HEATR5B: variants seen among roughly 807,000 people sequenced by gnomAD.
The protein encoded by HEATR5B is HEAT repeat-containing protein 5B.
A neutral mutation model predicts 224.1 loss-of-function variants in HEATR5B; 156 were observed. That is an observed-to-expected ratio of 0.70 (90% CI 0.61 to 0.80). HEATR5B has a LOEUF of 0.80. Ranked by LOEUF, HEATR5B falls within the 30% of genes least tolerant of loss-of-function variation. The pLI is 0.00. For synonymous variants in HEATR5B, 1,027 were observed against 893.0 expected (o/e 1.15, Z -2.68); for missense variants, 2,323 against 2,535.5 (o/e 0.92, Z 1.80).
At chr2:37,013,599 G>T (rs543038624) in intron 27 of HEATR5B, among the ~76,000 whole-genome samples, 16 of 152,124 alleles carry the variant, frequency 1.1e-4, no homozygotes, top group Admixed American at 3.9e-4. Flanking sequence ...AAAGATTTTT[G>T]GCATAAAATA....
In HEATR5B at chr2:36,981,353, T is replaced by C. The variant is rs551198224; in HGVS notation, c.*137A>G. The C allele has an allele frequency of 2.5e-4, 135 of 548,094 alleles. 1 individual carries two copies. Among genetic ancestry groups the C allele is most frequent in the Middle Eastern group, 2.0e-3 (4 of 2,024 alleles). 34.0% of individuals were successfully genotyped at this position (548,094 alleles called of 1,614,324 possible). A position where few individuals can be genotyped will look rare whatever the true frequency, so the allele number is the denominator to read the frequency against. On this transcript the variant is annotated 3_prime_UTR_variant, in exon 36 of 36. Transcript: ENST00000233099. Reference sequence around the variant, plus strand: ...ATCAATAAGTGGTGTGAGCATTATTTCACTTAACCTACTTGGAAGCACTAT... The same window carrying C: ...ATCAATAAGTGGTGTGAGCATTATTCCACTTAACCTACTTGGAAGCACTAT...
intron 5 of HEATR5B, among the ~76,000 whole-genome samples, chr2:37,073,245 T>C (rs1672017284): frequency 6.6e-6 from 1 of 152,204 alleles, no homozygotes; most frequent in South Asian, 2.1e-4. Flanking sequence ...AAGGATGATA[T>C]ATCATGACCA....
chr2:37,064,065 C>T (rs1671443365), intron 10 of HEATR5B, among the ~76,000 whole-genome samples: 1 of 152,118 alleles, frequency 6.6e-6, no homozygotes, highest in South Asian at 2.1e-4. Context: ...CCACCTGCCT[C>T]GGCCTCTCAA....
At position 36,984,215 on chromosome 2, in the gene HEATR5B, A is replaced by AATATAT. The variant is rs60636196; in HGVS notation, c.5912-2427_5912-2422dup. 1.1e-3 allele frequency among the ~76,000 whole-genome samples: 84 copies of AATATAT among 77,600 alleles called. 4 individuals are homozygous for AATATAT. Among genetic ancestry groups the AATATAT allele is most frequent in the African/African-American group, 2.6e-3 (44 of 17,042 alleles). The allele number at this position is 77,600 out of a possible 152,430, so 50.9% of individuals were successfully genotyped here. A position where few individuals can be genotyped will look rare whatever the true frequency, so the allele number is the denominator to read the frequency against. ...AACTCTGTCTCAAAAAAAAAAAAAA[A>AATATAT]ATATATATATATATATATATATAAA... is the stretch of plus-strand genomic sequence containing the variant. On this transcript the variant is annotated intron_variant, in intron 35 of 35. Coordinates refer to ENST00000233099, the MANE Select transcript of HEATR5B (RefSeq NM_019024.3).
At chr2:36,998,569 T>C (rs1666879724) in intron 33 of HEATR5B, among the ~76,000 whole-genome samples, 1 of 152,192 alleles carries the variant, frequency 6.6e-6, no homozygotes, top group Non-Finnish European at 1.5e-5. Flanking sequence ...CACACGTGCA[T>C]GAGAAATTTG....
chr2:37,046,418 C>T (rs558515140), intron 18 of HEATR5B, among the ~76,000 whole-genome samples: 5 of 152,198 alleles, frequency 3.3e-5, no homozygotes, highest in Admixed American at 2.6e-4. Context: ...GTGGGTGGAT[C>T]ATTTGAAGTC....
At chr2:37,075,398 T>C (rs972411626) in intron 5 of HEATR5B, 87 bp downstream of exon 5, 70 of 909,354 alleles carry the variant, frequency 7.7e-5, no homozygotes, top group Admixed American at 2.4e-4. Context: ...CAAAACATAA[T>C]TTAAAATTTT....
intron 30 of HEATR5B, 111 bp downstream of exon 30, chr2:37,005,521 T>C: frequency 5.3e-6 from 5 of 938,798 alleles, no homozygotes; most frequent in Non-Finnish European, 8.3e-6. Context: ...AGTGTATTCA[T>C]ATCATGTTAA....
chr2:36,988,009 T>G (rs1188248140), intron 35 of HEATR5B, among the ~76,000 whole-genome samples: 1 of 151,650 alleles, frequency 6.6e-6, no homozygotes, highest in Non-Finnish European at 1.5e-5. Context: ...GAGGCAGAGG[T>G]TGCAGTGAGC....
chr2:36,998,842 T>C (rs1666896410), intron 33 of HEATR5B, among the ~76,000 whole-genome samples: 1 of 151,980 alleles, frequency 6.6e-6, no homozygotes. Flanking sequence ...AACACATATA[T>C]AAATATATAT....
intron 22 of HEATR5B, among the ~76,000 whole-genome samples, chr2:37,030,988 G>C (rs193211285): frequency 6.6e-6 from 1 of 152,198 alleles, no homozygotes; most frequent in East Asian, 1.9e-4. Context: ...TTCTGAGTCC[G>C]AACTTTTGGT....
intron 24 of HEATR5B, among the ~76,000 whole-genome samples, chr2:37,021,459 G>A (rs1668451581): frequency 6.6e-6 from 1 of 152,142 alleles, no homozygotes; most frequent in Admixed American, 6.5e-5. Context: ...ATCTCACCCT[G>A]ACAATGTCAA....
intron 16 of HEATR5B, chr2:37,054,960 ACAGGTCT>A (rs1188459475): frequency 1.1e-5 from 2 of 182,534 alleles, no homozygotes; most frequent in African/African-American, 2.4e-5. Context: ...ATACTAGTCT[ACAGGTCT>A]CAGGTCTCAG....
At chr2:37,008,920 AAAATACAGTT>A in intron 27 of HEATR5B, 72 bp from the exon 28 acceptor site, 2 of 980,074 alleles carry the variant, frequency 2.0e-6, no homozygotes, top group Non-Finnish European at 3.1e-6. Flanking sequence ...CGTTATTATA[AAAATACAGTT>A]AAATCATCAA....
intron 23 of HEATR5B, 52 bp from the exon 24 acceptor site, chr2:37,028,226 C>A (rs1291253130): frequency 1.6e-6 from 2 of 1,244,692 alleles, no homozygotes; most frequent in Non-Finnish European, 2.2e-6. Context: ...CAAAAATGAT[C>A]CTTTAAAAAG....
At chr2:37,008,363 C>G in intron 28 of HEATR5B, 1 of 538,266 alleles carries the variant, frequency 1.9e-6, no homozygotes, top group African/African-American at 1.9e-5. Context: ...TTAGAATACC[C>G]TAGCTCATAC....
In HEATR5B at chr2:36,981,432, G is replaced by T; in HGVS notation, c.*58C>A. The stretch of plus-strand genomic sequence containing the variant: ...CATAGGTAGCCTGGAATGATACAGT[G>T]GCCATCACTAATTAGGGGCTAGTTG... On this transcript the variant is annotated 3_prime_UTR_variant, in exon 36 of 36. Transcript: ENST00000233099. 1 of 1,288,438 alleles carries T rather than the reference G, an allele frequency of 7.8e-7. No individual in the cohort carries two copies. Among genetic ancestry groups the T allele is most frequent in the Non-Finnish European group, 1.1e-6 (1 of 923,222 alleles). The allele number at this position is 1,288,438 out of a possible 1,614,324, so 79.8% of individuals were successfully genotyped here.
In HEATR5B at chr2:36,981,336, G is replaced by C. The variant is rs11675109; in HGVS notation, c.*154C>G. ...AAAATCACTCCTTAAAAATCAATAA[G>C]TGGTGTGAGCATTATTTCACTTAAC... is the stretch of plus-strand genomic sequence containing the variant. On this transcript the variant is annotated 3_prime_UTR_variant, in exon 36 of 36. Coordinates refer to ENST00000233099, the MANE Select transcript of HEATR5B (RefSeq NM_019024.3). The C allele has an allele frequency of 2.1e-6, 1 of 477,546 alleles. No homozygotes were observed. The highest frequency in any genetic ancestry group is 3.6e-6 in the Non-Finnish European group (1 of 277,044). 29.6% of individuals were successfully genotyped at this position (477,546 alleles called of 1,614,324 possible). A position where few individuals can be genotyped will look rare whatever the true frequency, so the allele number is the denominator to read the frequency against.
At chr2:37,033,856 C>T (rs771371019) in intron 21 of HEATR5B, among the ~76,000 whole-genome samples, 24 of 152,136 alleles carry the variant, frequency 1.6e-4, no homozygotes, top group Admixed American at 7.9e-4. Context: ...CTGGCTGGCA[C>T]ATGGTAACTG....
Sources: gnomAD v4.1 joint callset for allele counts (sites outside exome capture counted in the v4.1 genomes callset) on GRCh38, gnomAD v4.1.1 for gene constraint, MANE v1.5 for transcripts, NCBI Gene and HGNC (gene_info 2026-07-23, HGNC 2026-07-21) for gene names.